The following NRG2 variants were observed in gnomAD, a reference collection of about 807,000 sequenced individuals.
NRG2 encodes the protein neuregulin 2.
Under a neutral mutation model 73.9 loss-of-function variants are expected in NRG2, and 27 were observed. The ratio of observed to expected loss-of-function variants is 0.37; its 90% CI spans 0.27 to 0.50. The LOEUF (loss-of-function observed/expected upper bound fraction) is 0.50. Ranked by LOEUF, NRG2 falls within the 20% of genes least tolerant of loss-of-function variation. NRG2 has a pLI of 0.96. For synonymous variants in NRG2, 532 were observed against 541.0 expected, an observed-to-expected ratio of 0.98 and a Z score of 0.23; for missense variants, 1,126 against 1,210.1, an observed-to-expected ratio of 0.93 and a Z score of 1.03.
At chr5:139,890,559 G>A (rs1234848559) in intron 1 of NRG2, among the ~76,000 whole-genome samples, 1 of 144,412 alleles carries the variant, frequency 6.9e-6, no homozygotes, top group East Asian at 2.1e-4. Flanking sequence ...ATTATTCTAA[G>A]TGTGACTGAA....
At chr5:140,015,543 A>C (rs1759702172) in intron 1 of NRG2, among the ~76,000 whole-genome samples, 1 of 152,204 alleles carries the variant, frequency 6.6e-6, no homozygotes, top group Non-Finnish European at 1.5e-5. Flanking sequence ...TAAAAGAAAA[A>C]AACCTGAAAA....
chr5:140,035,771 G>A (rs1389759460), intron 1 of NRG2, among the ~76,000 whole-genome samples: 2 of 152,046 alleles, frequency 1.3e-5, no homozygotes, highest in African/African-American at 4.8e-5. Context: ...CAGATCCTCA[G>A]TCTTTATATA....
intron 1 of NRG2, among the ~76,000 whole-genome samples, chr5:140,028,312 A>C (rs1157276217): frequency 6.6e-6 from 1 of 152,218 alleles, no homozygotes; most frequent in Non-Finnish European, 1.5e-5. Context: ...TTGTATTATA[A>C]TAAGTCTGAA....
intron 1 of NRG2, among the ~76,000 whole-genome samples, chr5:139,955,519 C>T (rs933883577): frequency 6.6e-6 from 1 of 152,148 alleles, no homozygotes; most frequent in African/African-American, 2.4e-5. Context: ...CACTGGGGCC[C>T]AGTCCTGTAG....
intron 5 of NRG2, among the ~76,000 whole-genome samples, chr5:139,858,787 G>A (rs1761963523): frequency 1.3e-5 from 2 of 152,078 alleles, no homozygotes; most frequent in Admixed American, 6.5e-5. Flanking sequence ...GCAGATTCAC[G>A]CCTGTGCACC....
chr5:140,033,229 G>A (rs1196030242), intron 1 of NRG2, among the ~76,000 whole-genome samples: 1 of 152,138 alleles, frequency 6.6e-6, no homozygotes, highest in African/African-American at 2.4e-5. Flanking sequence ...CCAAATCAAA[G>A]CAGGATGAGT....
Position 139,879,162 on chromosome 5 carries a change from A to G in NRG2, c.991+1694T>C, listed in dbSNP as rs1246195976. Among the ~76,000 whole-genome samples the G allele has an allele frequency of 3.3e-5, 5 of 152,236 alleles. No homozygotes were observed. In the East Asian group the frequency reaches 7.7e-4, roughly 23 times the overall value. ...ATGGGATAATGTGGAGCTTGGCTCA[A>G]TAAATACTGGCTATGATTGTAACTT... is the stretch of plus-strand genomic sequence containing the variant. On this transcript the variant is annotated intron_variant, in intron 3 of 9. Coordinates refer to ENST00000361474, the MANE Select transcript of NRG2 (RefSeq NM_004883.3).
Position 139,852,061 on chromosome 5 carries a change from C to T in NRG2, c.1545-230G>A, listed in dbSNP as rs1333027874. ...AGCTGTAATGTGCAGAGACCCATTT[C>T]TTTCCTTCCTGCAACCAGCCTCCCC... On this transcript the variant is annotated intron_variant, in intron 8 of 9. Transcript: ENST00000361474. This position sits in a 1 kb window ranked among gnomAD's most constrained non-coding sequence, Gnocchi z 4.4. Among the ~76,000 whole-genome samples the T allele has an allele frequency of 6.6e-6, 1 of 152,190 alleles. No individual in the cohort carries two copies. The highest frequency in any genetic ancestry group is 2.4e-5 in the African/African-American group (1 of 41,436).
In NRG2 at chr5:139,933,565, C is replaced by T. The variant is rs561146741; in HGVS notation, c.701-46054G>A. Among the ~76,000 whole-genome samples, 80 of 152,090 alleles carry T rather than the reference C, an allele frequency of 5.3e-4. 1 individual carries two copies. Among genetic ancestry groups the T allele is most frequent in the Admixed American group, 1.5e-3 (23 of 15,290 alleles). On this transcript the variant is annotated intron_variant, in intron 1 of 9. Transcript: ENST00000361474. ...ACAGAACAGTTTAAAATATATATGCCTCTAAAAAGAGATCTTCAAATTATA... is the reference window on the plus strand; with the variant it reads ...ACAGAACAGTTTAAAATATATATGCTTCTAAAAAGAGATCTTCAAATTATA...
chr5:139,901,673 T>C (rs950635935), intron 1 of NRG2, among the ~76,000 whole-genome samples: 5 of 152,248 alleles, frequency 3.3e-5, no homozygotes, highest in Non-Finnish European at 7.3e-5. Flanking sequence ...GTGATGCTAA[T>C]CTGCCTTCAC....
At chr5:140,037,457 C>T (rs547439391) in intron 1 of NRG2, among the ~76,000 whole-genome samples, 5 of 152,242 alleles carry the variant, frequency 3.3e-5, no homozygotes, top group African/African-American at 1.2e-4. Context: ...AAAAGAGGAT[C>T]CTTTAATAGA....
At chr5:139,966,016 A>G (rs2126515914) in intron 1 of NRG2, among the ~76,000 whole-genome samples, 1 of 152,092 alleles carries the variant, frequency 6.6e-6, no homozygotes, top group South Asian at 2.1e-4. Flanking sequence ...TGTTTCCTCC[A>G]CTAGGCTATA....
At chr5:139,885,981 G>A (rs940551141) in intron 2 of NRG2, among the ~76,000 whole-genome samples, 8 of 152,046 alleles carry the variant, frequency 5.3e-5, no homozygotes, top group Admixed American at 4.6e-4. Context: ...GTAGGGCAGT[G>A]AGAAGGGGTG....
chr5:139,867,400 T>C (rs1194488583), intron 4 of NRG2, among the ~76,000 whole-genome samples: 1 of 151,990 alleles, frequency 6.6e-6, no homozygotes, highest in African/African-American at 2.4e-5. Context: ...AGAGGGTACA[T>C]GGTCGTCTTA....
chr5:140,018,749 T>C (rs985906763), intron 1 of NRG2, among the ~76,000 whole-genome samples: 3 of 152,224 alleles, frequency 2.0e-5, no homozygotes, highest in African/African-American at 7.2e-5. Flanking sequence ...GCTTGACTCC[T>C]GCAGATCCAG....
intron 1 of NRG2, among the ~76,000 whole-genome samples, chr5:140,032,314 AATATTGACAT>A (rs1761217696): frequency 6.6e-6 from 1 of 152,240 alleles, no homozygotes; most frequent in African/African-American, 2.4e-5. Flanking sequence ...CACAAGCCAA[AATATTGACAT>A]ACATGAGGAA....
chr5:139,957,720 T>C (rs996433465), intron 1 of NRG2, among the ~76,000 whole-genome samples: 4 of 152,274 alleles, frequency 2.6e-5, no homozygotes, highest in South Asian at 2.1e-4. Flanking sequence ...GGAAGAGCAA[T>C]TGAAAGATGG....
intron 1 of NRG2, among the ~76,000 whole-genome samples, chr5:139,926,913 G>A (rs1167848386): frequency 6.6e-6 from 1 of 152,200 alleles, no homozygotes; most frequent in Non-Finnish European, 1.5e-5. Context: ...CAAAGTGGAT[G>A]TGATGGGCCC....
At chr5:139,947,100 C>T (rs1025864367) in intron 1 of NRG2, among the ~76,000 whole-genome samples, 2 of 151,868 alleles carry the variant, frequency 1.3e-5, no homozygotes, top group South Asian at 2.1e-4. Context: ...GAGGTATGTT[C>T]GCATACCATA....
Sources: allele counts gnomAD v4.1 joint callset (sites outside exome capture counted in the v4.1 genomes callset), GRCh38; gene constraint gnomAD v4.1.1; non-coding constraint Gnocchi (gnomAD v3.1); transcripts MANE v1.5; gene names NCBI Gene and HGNC (gene_info 2026-07-23, HGNC 2026-07-21).